The following SH3BGRL2 variants were observed in gnomAD, a reference collection of about 807,000 sequenced individuals.
SH3BGRL2 encodes SH3 domain binding glutamate rich protein like 2.
In SH3BGRL2, 21 loss-of-function variants were observed where a neutral mutation model predicts 14.8. That is an observed-to-expected ratio of 1.42 (90% CI 1.01 to 2.05). The LOEUF (loss-of-function observed/expected upper bound fraction) is 2.05. Ranked by LOEUF, SH3BGRL2 falls within the 30% of genes most tolerant of loss-of-function variation. The probability of loss-of-function intolerance (pLI) is 0.00; values close to 1 mark genes in which losing one functional copy is unlikely to be tolerated. For synonymous variants in SH3BGRL2, 50 were observed against 47.8 expected (o/e 1.05, Z -0.19); for missense variants, 147 against 130.8 (o/e 1.12, Z -0.61).
the SH3BGRL2 span, among the ~76,000 whole-genome samples, chr6:79,542,724 C>G: frequency 6.6e-6 from 1 of 152,038 alleles, no homozygotes; most frequent in South Asian, 2.1e-4. Context: ...CTCAATGTCT[C>G]TGTTCCTGTC....
chr6:79,659,946 T>C (rs1769509045), intron 1 of SH3BGRL2, among the ~76,000 whole-genome samples: 1 of 152,138 alleles, frequency 6.6e-6, no homozygotes, highest in African/African-American at 2.4e-5. Flanking sequence ...TGTTTGTCTG[T>C]TATTGGTGTA....
At chr6:79,597,971 A>G in the SH3BGRL2 span, among the ~76,000 whole-genome samples, 1 of 152,240 alleles carries the variant, frequency 6.6e-6, no homozygotes, top group Non-Finnish European at 1.5e-5. Flanking sequence ...TTTCCAAAGA[A>G]GAAGTACAAA....
At chr6:79,588,949 T>G in the SH3BGRL2 span, among the ~76,000 whole-genome samples, 1 of 152,098 alleles carries the variant, frequency 6.6e-6, no homozygotes, top group Admixed American at 6.6e-5. Context: ...TATAGTTATC[T>G]CTCAGTATCT....
intron 2 of SH3BGRL2, among the ~76,000 whole-genome samples, chr6:79,689,528 GCATGAGAGAAAATGTTA>G (rs1356020719): frequency 3.3e-5 from 5 of 151,976 alleles, no homozygotes; most frequent in African/African-American, 1.2e-4. Flanking sequence ...TATTTTCTCT[GCATGAGAGAAAATGTTA>G]CATATACACG....
the SH3BGRL2 span, among the ~76,000 whole-genome samples, chr6:79,562,820 C>T: frequency 1.3e-5 from 2 of 151,980 alleles, no homozygotes; most frequent in Non-Finnish European, 2.9e-5. Context: ...CAAAACAAAA[C>T]AAAACTAGCA....
At chr6:79,563,131 AT>A in the SH3BGRL2 span, among the ~76,000 whole-genome samples, 23,676 of 146,520 alleles carry the variant, frequency 0.16, 2,077 homozygotes, top group South Asian at 0.22. Flanking sequence ...AATTTTTTGA[AT>A]TTTTTTTTTG....
the SH3BGRL2 span, among the ~76,000 whole-genome samples, chr6:79,548,793 A>G: frequency 3.3e-5 from 5 of 152,222 alleles, no homozygotes; most frequent in African/African-American, 9.6e-5. Context: ...TGGAAACCAC[A>G]TAAGTAGATG....
intron 1 of SH3BGRL2, among the ~76,000 whole-genome samples, chr6:79,673,285 G>T (rs180952049): frequency 2.6e-5 from 4 of 152,028 alleles, no homozygotes; most frequent in African/African-American, 9.7e-5. Context: ...AGAAACGACC[G>T]TGTTAGTGGC....
chr6:79,579,051 A>G, the SH3BGRL2 span, among the ~76,000 whole-genome samples: 2 of 152,362 alleles, frequency 1.3e-5, no homozygotes, highest in African/African-American at 4.8e-5. Context: ...AAAGGGTATC[A>G]GTGATGGAAG....
intron 2 of SH3BGRL2, among the ~76,000 whole-genome samples, chr6:79,691,749 CT>C (rs1483774106): frequency 2.6e-5 from 4 of 151,806 alleles, no homozygotes; most frequent in Admixed American, 2.0e-4. Context: ...TTAATCTAGT[CT>C]ATCATTGTTG....
chr6:79,699,903 C>T lies in SH3BGRL2; in HGVS notation c.*394C>T, dbSNP rs142971987. Reference sequence around the variant, plus strand: ...TTCTCTTTAAGCTGCCTGGATTGCACCTTTGAAATATGTCTGCCAAGTTGT... The same window carrying T: ...TTCTCTTTAAGCTGCCTGGATTGCATCTTTGAAATATGTCTGCCAAGTTGT... On this transcript the variant is annotated 3_prime_UTR_variant, in exon 4 of 4. Coordinates refer to ENST00000369838, the MANE Select transcript of SH3BGRL2 (RefSeq NM_031469.4). The T allele has an allele frequency of 5.4e-4, 113 of 207,550 alleles. No homozygotes were observed. Among genetic ancestry groups the T allele is most frequent in the African/African-American group, 2.5e-3 (110 of 43,778 alleles). 12.9% of individuals were successfully genotyped at this position (207,550 alleles called of 1,614,324 possible).
the SH3BGRL2 span, among the ~76,000 whole-genome samples, chr6:79,564,119 G>A: frequency 6.1e-3 from 920 of 151,400 alleles, 8 homozygotes; most frequent in African/African-American, 0.021. Context: ...GAATAGTAGT[G>A]AAACAATTAA....
chr6:79,665,696 A>G (rs971954141), intron 1 of SH3BGRL2, among the ~76,000 whole-genome samples: 8 of 152,250 alleles, frequency 5.3e-5, no homozygotes, highest in Non-Finnish European at 8.8e-5. Context: ...AGTAAGTGCC[A>G]GGGACTGTGC....
In SH3BGRL2 at chr6:79,682,578, T is replaced by C. The variant is rs140847111; in HGVS notation, c.231+8779T>C. Among the ~76,000 whole-genome samples the C allele has an allele frequency of 2.8e-3, 416 of 149,220 alleles. 2 individuals are homozygous for C. The highest frequency in any genetic ancestry group is 0.013 in the South Asian group (59 of 4,658). ...GTCTCCTTTCATGACAAGATGATTATTATATGTGTTGCTGATAAAACCGGA... is the reference window on the plus strand; with the variant it reads ...GTCTCCTTTCATGACAAGATGATTACTATATGTGTTGCTGATAAAACCGGA... On this transcript the variant is annotated intron_variant, in intron 2 of 3. Transcript: ENST00000369838.
At chr6:79,546,014 A>C in the SH3BGRL2 span, among the ~76,000 whole-genome samples, 1 of 152,192 alleles carries the variant, frequency 6.6e-6, no homozygotes, top group African/African-American at 2.4e-5. Context: ...CATTTAAAAA[A>C]AAATACATAA....
the SH3BGRL2 span, among the ~76,000 whole-genome samples, chr6:79,546,332 T>C: frequency 6.6e-6 from 1 of 152,206 alleles, no homozygotes; most frequent in African/African-American, 2.4e-5. Context: ...AGTGGGGTTT[T>C]TCCTGCTGCC....
the SH3BGRL2 span, among the ~76,000 whole-genome samples, chr6:79,623,232 G>T: frequency 6.6e-6 from 1 of 152,022 alleles, no homozygotes; most frequent in South Asian, 2.1e-4. Flanking sequence ...AACCTGAGGG[G>T]TGGAGGTTGC....
At chr6:79,545,373 A>G in the SH3BGRL2 span, among the ~76,000 whole-genome samples, 39 of 152,318 alleles carry the variant, frequency 2.6e-4, no homozygotes, top group African/African-American at 7.9e-4. Flanking sequence ...CAAATGATGC[A>G]TGCTTTATTA....
At chr6:79,598,214 G>A in the SH3BGRL2 span, among the ~76,000 whole-genome samples, 2 of 152,128 alleles carry the variant, frequency 1.3e-5, no homozygotes, top group African/African-American at 4.8e-5. Context: ...ATAGAGTCAC[G>A]ACATGACTCA....
Sources: gnomAD v4.1 joint callset for allele counts (sites outside exome capture counted in the v4.1 genomes callset) on GRCh38, gnomAD v4.1.1 for gene constraint, MANE v1.5 for transcripts, NCBI Gene and HGNC (gene_info 2026-07-23, HGNC 2026-07-21) for gene names.